Variants in HHAT observed in about 807,000 individuals in gnomAD.
HHAT encodes the protein hedgehog acyltransferase, also known as protein-cysteine N-palmitoyltransferase HHAT.
Under a neutral mutation model 70.8 loss-of-function variants are expected in HHAT, and 47 were observed. That is an observed-to-expected ratio of 0.66 (90% CI 0.53 to 0.85). HHAT has a LOEUF of 0.85. HHAT is among the 40% of genes least tolerant of loss of function. The pLI is 0.00. For missense variants in HHAT, 609 were observed against 604.8 expected, an observed-to-expected ratio of 1.01 and a Z score of -0.07; for synonymous variants, 228 against 247.6, an observed-to-expected ratio of 0.92 and a Z score of 0.74.
At chr1:210,374,113 A>AT (rs1385863607) in intron 3 of HHAT, 1 of 146,896 alleles carries the variant, frequency 6.8e-6, no homozygotes, top group Non-Finnish European at 1.5e-5. Context: ...AAGTTGCACC[A>AT]TAATGTTTTC....
intron 4 of HHAT, among the ~76,000 whole-genome samples, chr1:210,391,757 G>A (rs889978014): frequency 6.6e-6 from 1 of 152,184 alleles, no homozygotes; most frequent in African/African-American, 2.4e-5. Flanking sequence ...AGTGTTAGCT[G>A]CCTGAACTCA....
chr1:210,657,266 G>A (rs951065093), intron 11 of HHAT, among the ~76,000 whole-genome samples: 25 of 152,174 alleles, frequency 1.6e-4, no homozygotes, highest in African/African-American at 5.8e-4. Context: ...GGACAACCTA[G>A]TCCACTCCTG....
At chr1:210,481,133 G>A (rs1423118257) in intron 8 of HHAT, among the ~76,000 whole-genome samples, 1 of 151,600 alleles carries the variant, frequency 6.6e-6, no homozygotes, top group African/African-American at 2.4e-5. Flanking sequence ...GATGAGGAGG[G>A]GGACTTGGAG....
intron 8 of HHAT, among the ~76,000 whole-genome samples, chr1:210,480,080 C>A (rs1419586690): frequency 6.6e-6 from 1 of 152,146 alleles, no homozygotes; most frequent in Non-Finnish European, 1.5e-5. Flanking sequence ...ACTGGACATT[C>A]AGGCATTAAA....
At chr1:210,584,213 A>T (rs1659922363) in intron 9 of HHAT, among the ~76,000 whole-genome samples, 1 of 151,926 alleles carries the variant, frequency 6.6e-6, no homozygotes, top group African/African-American at 2.4e-5. Flanking sequence ...AAGTGCTGGG[A>T]TTACAGGCGT....
chr1:210,602,186 G>T (rs1326909973), intron 10 of HHAT, among the ~76,000 whole-genome samples: 1 of 152,114 alleles, frequency 6.6e-6, no homozygotes, highest in Non-Finnish European at 1.5e-5. Flanking sequence ...GAGAGTGCTG[G>T]CAGTGAGAAA....
At chr1:210,556,483 C>T (rs954196927) in intron 9 of HHAT, among the ~76,000 whole-genome samples, 2 of 152,198 alleles carry the variant, frequency 1.3e-5, no homozygotes, top group Non-Finnish European at 2.9e-5. Context: ...CTCACCTGAA[C>T]CCCAGGGGGC....
chr1:210,440,676 CTTT>C (rs2093484973), intron 7 of HHAT, among the ~76,000 whole-genome samples: 1 of 151,834 alleles, frequency 6.6e-6, no homozygotes, highest in Admixed American at 6.6e-5. Flanking sequence ...GTGGTTGCTT[CTTT>C]CCAGGTGACT....
intron 7 of HHAT, among the ~76,000 whole-genome samples, chr1:210,436,770 A>G (rs2093386755): frequency 6.6e-6 from 1 of 151,696 alleles, no homozygotes; most frequent in Admixed American, 6.6e-5. Context: ...TCCTGCCTCC[A>G]TTGTGTAGGA....
At chr1:210,585,455 C>T (rs536642077) in intron 9 of HHAT, among the ~76,000 whole-genome samples, 1 of 152,256 alleles carries the variant, frequency 6.6e-6, no homozygotes, top group African/African-American at 2.4e-5. Context: ...CTCTGTCACC[C>T]AGGCTGGAGT....
At position 210,471,510 on chromosome 1, in the gene HHAT, G is replaced by A. The variant is rs76022117; in HGVS notation, c.1007+6855G>A. 7.2e-3 allele frequency among the ~76,000 whole-genome samples: 1,096 copies of A among 152,028 alleles called. 14 individuals carry two copies. Among genetic ancestry groups the A allele is most frequent in the Non-Finnish European group, 0.011 (752 of 67,992 alleles). ...TGGCAACTGTTTATCTTTGGGGGTA[G>A]GATTTTTCTGAGGGGGGTGCTGAAA... On this transcript the variant is annotated intron_variant, in intron 8 of 11. Transcript: ENST00000261458.
At chr1:210,615,850 G>T (rs1427513509) in intron 10 of HHAT, among the ~76,000 whole-genome samples, 1 of 152,274 alleles carries the variant, frequency 6.6e-6, no homozygotes, top group East Asian at 1.9e-4. Context: ...TGCCCCTACT[G>T]GGGGGTGCCT....
intron 3 of HHAT, among the ~76,000 whole-genome samples, chr1:210,375,373 T>C (rs1471446456): frequency 6.6e-6 from 1 of 152,248 alleles, no homozygotes; most frequent in Non-Finnish European, 1.5e-5. Flanking sequence ...TGACCCTTTT[T>C]GACCCTGGTG....
chr1:210,532,323 T>A (rs1340211590), intron 9 of HHAT, among the ~76,000 whole-genome samples: 1 of 152,194 alleles, frequency 6.6e-6, no homozygotes, highest in Non-Finnish European at 1.5e-5. Flanking sequence ...ATATGTATTG[T>A]TTCTCCCTGT....
At chr1:210,584,263 A>G (rs1659938182) in intron 9 of HHAT, among the ~76,000 whole-genome samples, 2 of 151,788 alleles carry the variant, frequency 1.3e-5, no homozygotes, top group African/African-American at 4.8e-5. Flanking sequence ...TTATATAGTG[A>G]GATAAGATTA....
intron 9 of HHAT, among the ~76,000 whole-genome samples, chr1:210,540,054 C>G (rs2095412741): frequency 6.6e-6 from 1 of 152,282 alleles, no homozygotes; most frequent in South Asian, 2.1e-4. Flanking sequence ...GGCTTAATAC[C>G]TAATTTCTGC....
intron 9 of HHAT, among the ~76,000 whole-genome samples, chr1:210,567,096 A>C (rs1179614796): frequency 2.0e-5 from 3 of 152,210 alleles, no homozygotes; most frequent in Non-Finnish European, 4.4e-5. Flanking sequence ...AATGGTGGCA[A>C]CCAAACAGAG....
At chr1:210,450,048 CT>C (rs1401401088) in intron 7 of HHAT, among the ~76,000 whole-genome samples, 1 of 152,102 alleles carries the variant, frequency 6.6e-6, no homozygotes, top group Non-Finnish European at 1.5e-5. Context: ...TTATCCTGCA[CT>C]TTGGGAGGCC....
intron 11 of HHAT, among the ~76,000 whole-genome samples, chr1:210,638,229 C>T (rs1672286183): frequency 6.6e-6 from 1 of 152,228 alleles, no homozygotes; most frequent in Non-Finnish European, 1.5e-5. Context: ...GTTCACACAA[C>T]ACTTGTATGT....
Sources: gnomAD v4.1 joint callset for allele counts (sites outside exome capture counted in the v4.1 genomes callset) on GRCh38, gnomAD v4.1.1 for gene constraint, MANE v1.5 for transcripts, NCBI Gene and HGNC (gene_info 2026-07-23, HGNC 2026-07-21) for gene names.